TBK1: variants seen among roughly 807,000 people sequenced by gnomAD.
TBK1 encodes the protein serine/threonine-protein kinase TBK1.
In TBK1, 37 loss-of-function variants were observed where a neutral mutation model predicts 99.9. That is an observed-to-expected ratio of 0.37 (90% CI 0.28 to 0.49). The LOEUF is 0.49. Among genes scored for constraint, TBK1 ranks in the 20% least tolerant of loss-of-function variants. The pLI, the probability that TBK1 is intolerant of heterozygous loss-of-function variation, is 0.98. For missense variants in TBK1, 644 were observed against 872.5 expected, an observed-to-expected ratio of 0.74 and a Z score of 3.30; for synonymous variants, 258 against 279.8, an observed-to-expected ratio of 0.92 and a Z score of 0.78.
chr12:64,458,488 T>C (rs1236440190), intron 2 of TBK1, among the ~76,000 whole-genome samples: 1 of 149,044 alleles, frequency 6.7e-6, no homozygotes, highest in South Asian at 2.1e-4. Flanking sequence ...GAAGGATGTG[T>C]TGATCTGCAC....
chr12:64,488,457 A>G, intron 11 of TBK1, 30 bp from the exon 12 acceptor site: 4 of 1,382,106 alleles, frequency 2.9e-6, no homozygotes, highest in Non-Finnish European at 3.9e-6. Flanking sequence ...CTCCTTAGAT[A>G]AACTAATTAG....
intron 5 of TBK1, among the ~76,000 whole-genome samples, chr12:64,472,265 AC>A (rs1240661678): frequency 6.0e-5 from 5 of 83,056 alleles, no homozygotes; most frequent in Non-Finnish European, 1.2e-4. Flanking sequence ...CCCCCCCACC[AC>A]CCCGACCCTC....
intron 4 of TBK1, 73 bp from the exon 5 acceptor site, chr12:64,466,828 C>A: frequency 8.2e-7 from 1 of 1,226,228 alleles, no homozygotes; most frequent in Non-Finnish European, 1.1e-6. Flanking sequence ...GTGACTATAT[C>A]AATGAATTTG....
chr12:64,495,994 C>G, intron 15 of TBK1: 1 of 447,598 alleles, frequency 2.2e-6, no homozygotes, highest in Non-Finnish European at 3.9e-6. Flanking sequence ...TCATGAACAC[C>G]AGAACCTCTA....
intron 4 of TBK1, among the ~76,000 whole-genome samples, chr12:64,466,263 A>G (rs983053050): frequency 1.3e-5 from 2 of 152,194 alleles, no homozygotes; most frequent in Non-Finnish European, 2.9e-5. Flanking sequence ...TCAGCCCTCA[A>G]GCAAATGTAT....
At chr12:64,485,381 T>C (rs1247497662) in intron 9 of TBK1, 74 bp from the exon 10 acceptor site, 1 of 645,186 alleles carries the variant, frequency 1.5e-6, no homozygotes, top group East Asian at 3.1e-5. Flanking sequence ...TTAGACATTG[T>C]GTTTGCTCTA....
Position 64,456,355 on chromosome 12 carries a change from C to G in TBK1, c.87+398C>G, listed in dbSNP as rs917573109. Among the ~76,000 whole-genome samples the G allele has an allele frequency of 3.3e-5, 5 of 152,090 alleles. No individual in the cohort carries two copies. In the East Asian group the frequency reaches 9.6e-4, roughly 29 times the overall value. The stretch of plus-strand genomic sequence containing the variant: ...AGATGTGTATTGGGAGGGGAACTCA[C>G]AGGTGTTTCTGATAGGCTCTGGTAA... On this transcript the variant is annotated intron_variant, in intron 2 of 20. Coordinates refer to ENST00000331710, the MANE Select transcript of TBK1 (RefSeq NM_013254.4).
chr12:64,471,074 C>T (rs1345876188), intron 5 of TBK1, among the ~76,000 whole-genome samples: 1 of 152,152 alleles, frequency 6.6e-6, no homozygotes, highest in African/African-American at 2.4e-5. Context: ...AAACTTCCCT[C>T]GTTTTGAAGC....
rs1007369460 is a variant in TBK1 at position 64,474,222 on chromosome 12, A to C, written c.541-8A>C. On this transcript the variant is annotated splice_region_variant and splice_polypyrimidine_tract_variant and intron_variant, in intron 5 of 20. Transcript: ENST00000331710. ...TTCATGATTTTTTTCTTTTTTTTTTAATCTTAGCACCCTGATATGTATGAG... is the reference window on the plus strand; with the variant it reads ...TTCATGATTTTTTTCTTTTTTTTTTCATCTTAGCACCCTGATATGTATGAG... The C allele has an allele frequency of 1.3e-6, 2 of 1,585,774 alleles. No homozygotes were observed. Among genetic ancestry groups the C allele is most frequent in the African/African-American group, 2.8e-5 (2 of 72,716 alleles).
intron 20 of TBK1, among the ~76,000 whole-genome samples, chr12:64,499,058 T>TTTTC (rs753957644): frequency 1.4e-4 from 19 of 133,326 alleles, no homozygotes; most frequent in East Asian, 2.1e-4. Context: ...TTTTTTTTTT[T>TTTTC]CCCCCGAGAC....
In TBK1 at chr12:64,480,392, T is replaced by G. The variant is rs150666447; in HGVS notation, c.812+270T>G. ...TCACTGGTCTTGGAATTCTTCCCAG[T>G]GTAGGGATCATGCTCAGGACCTTAG... On this transcript the variant is annotated intron_variant, in intron 7 of 20. Coordinates refer to ENST00000331710, the MANE Select transcript of TBK1 (RefSeq NM_013254.4). Among the ~76,000 whole-genome samples the G allele has an allele frequency of 3.0e-3, 462 of 152,298 alleles. 1 individual carries two copies. The highest frequency in any genetic ancestry group is 9.7e-3 in the African/African-American group (402 of 41,572).
intron 3 of TBK1, among the ~76,000 whole-genome samples, chr12:64,463,591 T>C (rs565451275): frequency 2.0e-5 from 3 of 150,962 alleles, no homozygotes; most frequent in African/African-American, 7.3e-5. Context: ...TCCCAGCTAC[T>C]TGGGAGCTGA....
At position 64,484,379 on chromosome 12, in the gene TBK1, C is replaced by T. The variant is rs1328949478; in HGVS notation, c.1069C>T (p.Arg357Ter). ...AAATCAAGAACTTATCTACGAAGGGCGACGCTTAGTCTTAGAACCTGGAAG... is the reference window on the plus strand; with the variant it reads ...AAATCAAGAACTTATCTACGAAGGGTGACGCTTAGTCTTAGAACCTGGAAG... ...SSNQELIYEGRRLVLEPGRLA... is the reference protein window; with the variant it reads ...SSNQELIYEG Residue 357 changes from arginine to a stop codon, truncating the protein, a stop_gained, in exon 9 of 21, where the codon CGA (arginine) becomes TGA (stop). Coordinates refer to ENST00000331710, the MANE Select transcript of TBK1 (RefSeq NM_013254.4). LOFTEE classifies it high-confidence loss of function. 3 of 1,613,880 alleles carry T rather than the reference C, an allele frequency of 1.9e-6. No homozygotes were observed. Among genetic ancestry groups the T allele is most frequent in the Non-Finnish European group, 2.5e-6 (3 of 1,179,932 alleles).
At chr12:64,487,989 T>C (rs530752601) in intron 11 of TBK1, among the ~76,000 whole-genome samples, 65 of 152,336 alleles carry the variant, frequency 4.3e-4, no homozygotes, top group African/African-American at 1.5e-3. Flanking sequence ...GAAATACTCA[T>C]TGGAACATTT....
At chr12:64,473,082 C>T (rs1265699135) in intron 5 of TBK1, among the ~76,000 whole-genome samples, 3 of 152,056 alleles carry the variant, frequency 2.0e-5, no homozygotes, top group Non-Finnish European at 2.9e-5. Context: ...TGATAGGTTT[C>T]GGGTGTGAGC....
chr12:64,497,763 CTCA>C lies in TBK1; in HGVS notation c.2066+14_2066+16del, dbSNP rs1478960417. The stretch of plus-strand genomic sequence containing the variant: ...GTAGAAATGACTCTTGGGTAAGAAA[CTCA>C]TCATTTGGAAACTGTAGTGTTTCCA... On this transcript the variant is annotated intron_variant, in intron 19 of 20. Coordinates refer to ENST00000331710, the MANE Select transcript of TBK1 (RefSeq NM_013254.4). The C allele has an allele frequency of 6.4e-7, 1 of 1,569,526 alleles. No homozygotes were observed. The highest frequency in any genetic ancestry group is 8.7e-7 in the Non-Finnish European group (1 of 1,153,850).
chr12:64,490,051 T>C lies in TBK1; in HGVS notation c.1453T>C (p.Leu485=). The C allele has an allele frequency of 6.2e-7, 1 of 1,608,282 alleles. No individual in the cohort carries two copies. The highest frequency in any genetic ancestry group is 8.5e-7 in the Non-Finnish European group (1 of 1,177,058). The change falls in exon 13 of 21, where the codon TTG becomes CTG. Residue 485 remains leucine (L), a synonymous_variant. Coordinates refer to ENST00000331710, the MANE Select transcript of TBK1 (RefSeq NM_013254.4). ...IEKTVKVYEK[L]MKINLEAAEL... ...TGACTTTTCATACAGATATGAAAAGTTGATGAAGATCAACCTGGAAGCGGC... is the reference window on the plus strand; with the variant it reads ...TGACTTTTCATACAGATATGAAAAGCTGATGAAGATCAACCTGGAAGCGGC...
chr12:64,470,260 AATATT>A (rs1342102648), intron 5 of TBK1, among the ~76,000 whole-genome samples: 9 of 152,218 alleles, frequency 5.9e-5, no homozygotes, highest in Non-Finnish European at 1.3e-4. Flanking sequence ...ATTCCTAGAT[AATATT>A]ATAAACCTGC....
chr12:64,458,237 T>G (rs1047549126), intron 2 of TBK1, among the ~76,000 whole-genome samples: 3 of 152,314 alleles, frequency 2.0e-5, no homozygotes, highest in Admixed American at 1.3e-4. Context: ...TGCAACTGTT[T>G]AGGACTATAT....
Sources: gnomAD v4.1 joint callset for allele counts (sites outside exome capture counted in the v4.1 genomes callset) on GRCh38, gnomAD v4.1.1 for gene constraint, MANE v1.5 for transcripts, NCBI Gene and HGNC (gene_info 2026-07-23, HGNC 2026-07-21) for gene names.